The following ITGA11 variants were observed in gnomAD, a reference collection of about 807,000 sequenced individuals.
The protein encoded by ITGA11 is integrin subunit alpha 11.
A neutral mutation model predicts 141.9 loss-of-function variants in ITGA11; 97 were observed. The observed-to-expected ratio is 0.68, with a 90% confidence interval of 0.58 to 0.81. ITGA11 has a LOEUF of 0.81. Among genes scored for constraint, ITGA11 ranks in the 30% least tolerant of loss-of-function variants. The pLI, the probability that ITGA11 is intolerant of heterozygous loss-of-function variation, is 0.00. For missense variants in ITGA11, 1,387 were observed against 1,559.2 expected (o/e 0.89, Z 1.86); for synonymous variants, 658 against 624.6 (o/e 1.05, Z -0.80).
At position 68,321,320 on chromosome 15, in the gene ITGA11, G is replaced by C. The variant is rs748574615; in HGVS notation, c.2408+98C>G. On this transcript the variant is annotated intron_variant, in intron 19 of 29. Transcript: ENST00000315757. This position sits in a 1 kb window ranked among gnomAD's most constrained non-coding sequence, Gnocchi z 4.9. ...AATGTTTGATCCATGCTGCCTGTGA[G>C]GAGGATGTCCAGGAAATAATCCAGG... 3.0e-6 allele frequency: 2 copies of C among 670,806 alleles called. No homozygotes were observed. The highest frequency in any genetic ancestry group is 4.8e-6 in the Non-Finnish European group (2 of 413,608). 41.6% of individuals were successfully genotyped at this position (670,806 alleles called of 1,614,324 possible). A position where few individuals can be genotyped will look rare whatever the true frequency, so the allele number is the denominator to read the frequency against.
At chr15:68,356,684 G>A (rs1895081252) in intron 7 of ITGA11, among the ~76,000 whole-genome samples, 1 of 152,200 alleles carries the variant, frequency 6.6e-6, no homozygotes, top group Admixed American at 6.5e-5. Context: ...CCTGGGCTCA[G>A]TCACTTGCCC....
chr15:68,427,838 G>C (rs891500844), intron 1 of ITGA11, among the ~76,000 whole-genome samples: 1 of 152,140 alleles, frequency 6.6e-6, no homozygotes, highest in Non-Finnish European at 1.5e-5. Context: ...GGGTGTCTTT[G>C]GAGCTCACAG....
rs1893097197 is a variant in ITGA11 at position 68,303,584 on chromosome 15, A to C, written c.3495+188T>G. ...TTTCATCAGGTTCTCAAAGGCATCC[A>C]CAAACAGGTTAGAGCCATAGTCTGA... is the stretch of plus-strand genomic sequence containing the variant. On this transcript the variant is annotated intron_variant, in intron 29 of 29. Coordinates refer to ENST00000315757, the MANE Select transcript of ITGA11 (RefSeq NM_001004439.2). This position sits in a 1 kb window ranked among gnomAD's most constrained non-coding sequence, Gnocchi z 5.3. Among the ~76,000 whole-genome samples the C allele has an allele frequency of 6.6e-6, 1 of 151,722 alleles. No homozygotes were observed. Among genetic ancestry groups the C allele is most frequent in the Admixed American group, 6.5e-5 (1 of 15,268 alleles).
rs148020262 is a variant in ITGA11 at position 68,324,413 on chromosome 15, TA to T, written c.2322+717del. Among the ~76,000 whole-genome samples the T allele has an allele frequency of 3.0e-3, 453 of 152,284 alleles. 3 individuals are homozygous for T. The highest frequency in any genetic ancestry group is 0.01 in the African/African-American group (426 of 41,538). On this transcript the variant is annotated intron_variant, in intron 18 of 29. Transcript: ENST00000315757. This position sits in a 1 kb window ranked among gnomAD's most constrained non-coding sequence, Gnocchi z 6.3. ...TGGCTTAAGAGCACCGTGGTGTGCT[TA>T]AAAGTTGTTTCCCAAATCCTCAAGG...
intron 2 of ITGA11, among the ~76,000 whole-genome samples, chr15:68,391,385 C>T (rs149255028): frequency 2.1e-3 from 323 of 152,358 alleles, no homozygotes; most frequent in Middle Eastern, 6.8e-3. Context: ...TCATATCTTT[C>T]TGCTCTTCTA....
rs1245201099 is a variant in ITGA11, at chr15:68,317,326, T to C, written c.2654A>G (p.Glu885Gly). ...GCAGACTTGCTTCTGGAGCCTCCTCTCCTCGTTCACACACTCAATGCTACC... is the reference window on the plus strand; with the variant it reads ...GCAGACTTGCTTCTGGAGCCTCCTCCCCTCGTTCACACACTCAATGCTACC... ...SDGSIECVNE[E>G]RRLQKQVCNV... Residue 885 changes from glutamate (E) to glycine (G), a missense_variant, in exon 21 of 30, where the codon GAG becomes GGG. By Grantham distance (98) the Glu-to-Gly change is moderately conservative. Coordinates refer to ENST00000315757, the MANE Select transcript of ITGA11 (RefSeq NM_001004439.2). 6.2e-7 allele frequency: 1 copy of C among 1,613,796 alleles called. No homozygotes were observed. The highest frequency in any genetic ancestry group is 2.2e-5 in the East Asian group (1 of 44,874).
chr15:68,422,285 C>T (rs28591120), intron 1 of ITGA11, among the ~76,000 whole-genome samples: 6,231 of 152,144 alleles, frequency 0.041, 430 homozygotes, highest in African/African-American at 0.14. Flanking sequence ...GCAAAGTCAA[C>T]GTTCAGGCCT....
chr15:68,330,375 G>A (rs1433263748), intron 15 of ITGA11, among the ~76,000 whole-genome samples: 1 of 151,808 alleles, frequency 6.6e-6, no homozygotes, highest in East Asian at 1.9e-4. Context: ...GCATTGTTAA[G>A]GTGATGGCAG....
rs149145535 is a variant in ITGA11 at position 68,357,321 on chromosome 15, A to G, written c.601-22T>C. ...CAACCTGCAAGGGAGAGGAGAGGGC[A>G]ACAGAACATTTTGACCCCATGAACC... On this transcript the variant is annotated intron_variant, in intron 6 of 29. Coordinates refer to ENST00000315757, the MANE Select transcript of ITGA11 (RefSeq NM_001004439.2). 1.2e-6 allele frequency: 2 copies of G among 1,603,876 alleles called. 1 individual carries two copies. The highest frequency in any genetic ancestry group is 1.7e-6 in the Non-Finnish European group (2 of 1,175,828).
In ITGA11 at chr15:68,303,933, G is replaced by T. The variant is rs200383813; in HGVS notation, c.3382-48C>A. The T allele has an allele frequency of 2.9e-4, 376 of 1,308,286 alleles. 1 individual carries two copies. The African/African-American group carries it at 4.7e-3, about 17-fold the overall frequency. 81.0% of individuals were successfully genotyped at this position (1,308,286 alleles called of 1,614,324 possible). A position where few individuals can be genotyped will look rare whatever the true frequency, so the allele number is the denominator to read the frequency against. On this transcript the variant is annotated intron_variant, in intron 28 of 29. Transcript: ENST00000315757. The surrounding 1 kb of genome is among the most constrained non-coding windows in gnomAD (Gnocchi z 5.3). ...CCAACAGCATTACTCTTCTGGGGCT[G>T]GGGTGGCAGTCTGGGAGGGGCAGGA...
At chr15:68,409,308 A>C (rs893092419) in intron 1 of ITGA11, among the ~76,000 whole-genome samples, 1 of 152,100 alleles carries the variant, frequency 6.6e-6, no homozygotes, top group Non-Finnish European at 1.5e-5. Flanking sequence ...GTTATATGCT[A>C]TTCAAGGCCA....
chr15:68,402,187 G>A (rs1024629421), intron 2 of ITGA11, among the ~76,000 whole-genome samples: 2 of 145,080 alleles, frequency 1.4e-5, no homozygotes, highest in African/African-American at 5.0e-5. Context: ...GCAGAGTCCT[G>A]GCCCTTTCCA....
chr15:68,301,071 A>G lies in ITGA11; in HGVS notation c.*1988T>C, dbSNP rs148019760. The G allele has an allele frequency of 1.9e-4, 29 of 152,296 alleles. No homozygotes were observed. The highest frequency in any genetic ancestry group is 7.0e-4 in the African/African-American group (29 of 41,548). 9.4% of individuals were successfully genotyped at this position (152,296 alleles called of 1,614,324 possible). A position where few individuals can be genotyped will look rare whatever the true frequency, so the allele number is the denominator to read the frequency against. ...TTCCTTCTGATTCTATTAGAAGGCA[A>G]TGGGTTTTGATACTCAAATTTTAGT... On this transcript the variant is annotated 3_prime_UTR_variant, in exon 30 of 30. Coordinates refer to ENST00000315757, the MANE Select transcript of ITGA11 (RefSeq NM_001004439.2). The surrounding 1 kb of genome is among the most constrained non-coding windows in gnomAD (Gnocchi z 4.4).
At chr15:68,409,657 C>A (rs1196923329) in intron 1 of ITGA11, among the ~76,000 whole-genome samples, 1 of 150,724 alleles carries the variant, frequency 6.6e-6, no homozygotes. Context: ...TAGTCCCCTA[C>A]CACTTAGATA....
rs1478662268 is a variant in ITGA11, at chr15:68,302,114, G to GA, written c.*944_*945insT. 2.2e-5 allele frequency: 3 copies of GA among 133,708 alleles called. No individual in the cohort carries two copies. Among genetic ancestry groups the GA allele is most frequent in the African/African-American group, 8.5e-5 (3 of 35,248 alleles). 8.3% of individuals were successfully genotyped at this position (133,708 alleles called of 1,614,324 possible). A position where few individuals can be genotyped will look rare whatever the true frequency, so the allele number is the denominator to read the frequency against. ...TGTGTGTGTGTGTGTGTGTGTGTGT[G>GA]TAGGGAGGGGGTGATACAGGGAGGG... On this transcript the variant is annotated 3_prime_UTR_variant, in exon 30 of 30. Coordinates refer to ENST00000315757, the MANE Select transcript of ITGA11 (RefSeq NM_001004439.2).
intron 3 of ITGA11, 42 bp from the exon 4 acceptor site, chr15:68,364,840 C>A: frequency 6.4e-7 from 1 of 1,566,010 alleles, no homozygotes; most frequent in Non-Finnish European, 8.8e-7. Flanking sequence ...CCCCTCCTGC[C>A]CGCCCTCTGC....
At chr15:68,392,714 C>T (rs1011970208) in intron 2 of ITGA11, among the ~76,000 whole-genome samples, 2 of 152,122 alleles carry the variant, frequency 1.3e-5, no homozygotes, top group African/African-American at 2.4e-5. Context: ...CATACCCAGT[C>T]AGAAAGGAGA....
chr15:68,365,689 TTCTTTTC>T (rs901120812), intron 3 of ITGA11, among the ~76,000 whole-genome samples: 4 of 141,572 alleles, frequency 2.8e-5, no homozygotes, highest in South Asian at 2.2e-4. Context: ...GTAATTTCTT[TTCTTTTC>T]TCTTTTCTTT....
At chr15:68,372,069 G>A (rs1895605549) in intron 2 of ITGA11, among the ~76,000 whole-genome samples, 1 of 152,062 alleles carries the variant, frequency 6.6e-6, no homozygotes, top group African/African-American at 2.4e-5. Context: ...CCCCACAGTT[G>A]GTTTGCTGCG....
Sources: allele counts gnomAD v4.1 joint callset (sites outside exome capture counted in the v4.1 genomes callset), GRCh38; gene constraint gnomAD v4.1.1; non-coding constraint Gnocchi (gnomAD v3.1); transcripts MANE v1.5; gene names NCBI Gene and HGNC (gene_info 2026-07-23, HGNC 2026-07-21).